DENND2B: variants seen among roughly 807,000 people sequenced by gnomAD.
DENND2B encodes DENN domain-containing protein 2B.
Under a neutral mutation model 116.0 loss-of-function variants are expected in DENND2B, and 32 were observed. The observed-to-expected ratio is 0.28, with a 90% confidence interval of 0.21 to 0.37. The LOEUF is 0.37. DENND2B is among the 10% of genes least tolerant of loss of function. The probability of loss-of-function intolerance (pLI) is 1.00; values close to 1 mark genes in which losing one functional copy is unlikely to be tolerated. For missense variants in DENND2B, 1,276 were observed against 1,477.7 expected, an observed-to-expected ratio of 0.86 and a Z score of 2.24; for synonymous variants, 588 against 583.9, an observed-to-expected ratio of 1.01 and a Z score of -0.10.
intron 2 of DENND2B, among the ~76,000 whole-genome samples, chr11:8,745,053 G>A (rs971962756): frequency 6.6e-6 from 1 of 151,760 alleles, no homozygotes; most frequent in Non-Finnish European, 1.5e-5. Context: ...AGGAGCTGGG[G>A]CTACAGGCAT....
chr11:8,744,424 G>C (rs1361428859), intron 2 of DENND2B, among the ~76,000 whole-genome samples: 1 of 152,084 alleles, frequency 6.6e-6, no homozygotes, highest in Non-Finnish European at 1.5e-5. Context: ...ATCAGCCACC[G>C]CACCCAGCCA....
chr11:8,772,922 T>C (rs1191514118), intron 1 of DENND2B, among the ~76,000 whole-genome samples: 1 of 152,128 alleles, frequency 6.6e-6, no homozygotes, highest in Admixed American at 6.5e-5. Context: ...CTGTTTTCTC[T>C]CTCTTTCTGT....
intron 2 of DENND2B, among the ~76,000 whole-genome samples, chr11:8,745,673 C>T (rs2051105697): frequency 6.6e-6 from 1 of 152,208 alleles, no homozygotes; most frequent in Non-Finnish European, 1.5e-5. Flanking sequence ...GACAAACTAT[C>T]TGACTTTTGA....
chr11:8,807,494 C>T (rs2060974809), intron 1 of DENND2B, among the ~76,000 whole-genome samples: 1 of 152,146 alleles, frequency 6.6e-6, no homozygotes. Context: ...AGAGGCTGAA[C>T]CAGCAGAACC....
chr11:8,727,886 T>C (rs1403855801), intron 3 of DENND2B, among the ~76,000 whole-genome samples: 2 of 148,848 alleles, frequency 1.3e-5, no homozygotes, highest in Non-Finnish European at 3.0e-5. Context: ...TTAAAACTAA[T>C]AGTTTCTCCC....
At chr11:8,821,978 CAG>C (rs1261388442) in intron 4 of DENND2B, among the ~76,000 whole-genome samples, 5 of 152,124 alleles carry the variant, frequency 3.3e-5, no homozygotes, top group African/African-American at 1.2e-4. Context: ...TTTTTGTAGA[CAG>C]GGGGTTTTGC....
intron 1 of DENND2B, among the ~76,000 whole-genome samples, chr11:8,893,648 C>T (rs1430585394): frequency 2.6e-5 from 4 of 152,074 alleles, no homozygotes; most frequent in South Asian, 2.1e-4. Context: ...CCATTCACAA[C>T]TGCTTCAAAG....
rs375335087 is a variant in DENND2B at position 8,788,262 on chromosome 11, C to A, written c.-26+22255G>T. ...CATTGGGGTTACTATGCAAAGGGATCCCTCAGGGATAAAACAGGAAGAGGG... is the reference window on the plus strand; with the variant it reads ...CATTGGGGTTACTATGCAAAGGGATACCTCAGGGATAAAACAGGAAGAGGG... On this transcript the variant is annotated intron_variant, in intron 1 of 19. Transcript: ENST00000313726. Among the ~76,000 whole-genome samples, 3 of 152,128 alleles carry A rather than the reference C, an allele frequency of 2.0e-5. 1 individual carries two copies. Among genetic ancestry groups the A allele is most frequent in the East Asian group, 1.9e-4 (1 of 5,200 alleles).
chr11:8,697,127 A>G (rs59942149), intron 17 of DENND2B, among the ~76,000 whole-genome samples: 4,614 of 152,324 alleles, frequency 0.03, 231 homozygotes, highest in African/African-American at 0.11. Flanking sequence ...GCAGAAGGCC[A>G]GAAACTATGT....
rs115936765 is a variant in DENND2B, at chr11:8,739,844, A to T, written c.81-8635T>A. Among the ~76,000 whole-genome samples the T allele has an allele frequency of 2.9e-3, 445 of 152,356 alleles. 9 individuals are homozygous for T. Among genetic ancestry groups the T allele is most frequent in the African/African-American group, 0.01 (426 of 41,578 alleles). On this transcript the variant is annotated intron_variant, in intron 2 of 19. Transcript: ENST00000313726. ...CAAATATGTAAGACACATAATTAGGATGGAAAGAATATGAGCTAAGGTATG... is the reference window on the plus strand; with the variant it reads ...CAAATATGTAAGACACATAATTAGGTTGGAAAGAATATGAGCTAAGGTATG...
chr11:8,854,935 C>T (rs1435044981), intron 3 of DENND2B, among the ~76,000 whole-genome samples: 3 of 152,126 alleles, frequency 2.0e-5, no homozygotes, highest in African/African-American at 7.2e-5. Flanking sequence ...TAGTCTCAAA[C>T]TCCTGGCCTC....
intron 1 of DENND2B, among the ~76,000 whole-genome samples, chr11:8,888,824 C>T (rs1176522268): frequency 6.6e-6 from 1 of 152,196 alleles, no homozygotes; most frequent in Non-Finnish European, 1.5e-5. Context: ...AGATGCTCAA[C>T]ATCACTAATC....
At chr11:8,904,879 C>T (rs2064216035) in intron 1 of DENND2B, among the ~76,000 whole-genome samples, 1 of 151,948 alleles carries the variant, frequency 6.6e-6, no homozygotes, top group Non-Finnish European at 1.5e-5. Context: ...AATCACTACA[C>T]AATATTAGTA....
chr11:8,695,639 G>A lies in DENND2B; in HGVS notation c.3293-90C>T. On this transcript the variant is annotated intron_variant, in intron 18 of 19. Coordinates refer to ENST00000313726, the MANE Select transcript of DENND2B (RefSeq NM_213618.2). ...ATGAAGGGAACCATGGAGCACAGAT[G>A]CCAAAAAAGGAGAAAGAAAACATCT... 4 of 1,083,190 alleles carry A rather than the reference G, an allele frequency of 3.7e-6. No homozygotes were observed. In the South Asian group the frequency reaches 5.3e-5, roughly 14 times the overall value. The allele number at this position is 1,083,190 out of a possible 1,614,324, so 67.1% of individuals were successfully genotyped here.
intron 2 of DENND2B, among the ~76,000 whole-genome samples, chr11:8,740,419 T>C (rs2049991735): frequency 6.6e-6 from 1 of 152,162 alleles, no homozygotes; most frequent in South Asian, 2.1e-4. Flanking sequence ...ATGCCTCATA[T>C]ATTGTCAGGT....
Position 8,702,509 on chromosome 11 carries a change from C to T in DENND2B, c.2720+63G>A. 2 of 1,599,478 alleles carry T rather than the reference C, an allele frequency of 1.3e-6. No individual in the cohort carries two copies. Among genetic ancestry groups the T allele is most frequent in the South Asian group, 1.1e-5 (1 of 90,636 alleles). On this transcript the variant is annotated intron_variant, in intron 14 of 19. Coordinates refer to ENST00000313726, the MANE Select transcript of DENND2B (RefSeq NM_213618.2). This position sits in a 1 kb window ranked among gnomAD's most constrained non-coding sequence, Gnocchi z 4.6. The stretch of plus-strand genomic sequence containing the variant: ...GCCTGCTTAGGCTCCTGAACACTTG[C>T]TGATTCGCTTGTGGGTGTGCCTTCC...
intron 7 of DENND2B, 147 bp from the exon 8 acceptor site, chr11:8,714,189 G>T: frequency 1.3e-6 from 1 of 791,382 alleles, no homozygotes; most frequent in Non-Finnish European, 2.1e-6. Context: ...TGCAGGCAGG[G>T]AGCTGAGTGG....
chr11:8,788,040 G>A (rs990857005), intron 1 of DENND2B, among the ~76,000 whole-genome samples: 7 of 152,054 alleles, frequency 4.6e-5, no homozygotes, highest in African/African-American at 1.7e-4. Context: ...GGGCATCAAG[G>A]GCTTTCTAGA....
chr11:8,779,822 C>T (rs1218303711), intron 1 of DENND2B, among the ~76,000 whole-genome samples: 1 of 152,174 alleles, frequency 6.6e-6, no homozygotes, highest in East Asian at 1.9e-4. Flanking sequence ...GCCAAGGTTT[C>T]CATTTTCTGT....
Sources: gnomAD v4.1 joint callset for allele counts (sites outside exome capture counted in the v4.1 genomes callset) on GRCh38, gnomAD v4.1.1 for gene constraint, Gnocchi (gnomAD v3.1) non-coding constraint, MANE v1.5 for transcripts, NCBI Gene and HGNC (gene_info 2026-07-23, HGNC 2026-07-21) for gene names.